Variants in RUSC2 observed in about 807,000 individuals in gnomAD.
RUSC2 encodes AP-4 complex accessory subunit RUSC2.
A neutral mutation model predicts 122.2 loss-of-function variants in RUSC2; 34 were observed. That is an observed-to-expected ratio of 0.28 (90% CI 0.21 to 0.37). The LOEUF is 0.37. Ranked by LOEUF, RUSC2 falls within the 10% of genes least tolerant of loss-of-function variation. The pLI is 1.00. For missense variants in RUSC2, 1,747 were observed against 1,952.4 expected, an observed-to-expected ratio of 0.89 and a Z score of 1.98; for synonymous variants, 784 against 790.0, an observed-to-expected ratio of 0.99 and a Z score of 0.13.
intron 1 of RUSC2, among the ~76,000 whole-genome samples, chr9:35,495,410 A>T (rs1326114937): frequency 6.7e-6 from 1 of 150,292 alleles, no homozygotes; most frequent in African/African-American, 2.4e-5. Flanking sequence ...TTCCAACACC[A>T]TTTGTTGAAA....
intron 1 of RUSC2, among the ~76,000 whole-genome samples, chr9:35,541,909 A>T (rs1021035011): frequency 6.0e-5 from 9 of 148,770 alleles, no homozygotes; most frequent in South Asian, 4.2e-4. Flanking sequence ...AAATTTTTTT[A>T]AATTATTTTT....
At chr9:35,534,828 G>T (rs950609175) in intron 1 of RUSC2, among the ~76,000 whole-genome samples, 1 of 152,058 alleles carries the variant, frequency 6.6e-6, no homozygotes, top group African/African-American at 2.4e-5. Context: ...TTACTGAGTT[G>T]TAAGTGTTTT....
chr9:35,561,882 GC>G lies in RUSC2; in HGVS notation c.*501del. The G allele has an allele frequency of 1.4e-6, 1 of 709,290 alleles. No homozygotes were observed. Among genetic ancestry groups the G allele is most frequent in the Non-Finnish European group, 2.5e-6 (1 of 403,592 alleles). The allele number at this position is 709,290 out of a possible 1,614,324, so 43.9% of individuals were successfully genotyped here. On this transcript the variant is annotated 3_prime_UTR_variant, in exon 12 of 12. Coordinates refer to ENST00000361226, the MANE Select transcript of RUSC2 (RefSeq NM_014806.5). The stretch of plus-strand genomic sequence containing the variant: ...TATTATACCTATTAATAAAAAAGGT[GC>G]TCAGCCTCCAAACCATTTTCTCTTT...
Position 35,561,603 on chromosome 9 carries a change from C to A in RUSC2, c.*221C>A. Reference sequence around the variant, plus strand: ...CACCCAGGAGAGGGATGGGACACAGCACTGGGCTGCCAGGATTCCCCTGGC... The same window carrying A: ...CACCCAGGAGAGGGATGGGACACAGAACTGGGCTGCCAGGATTCCCCTGGC... On this transcript the variant is annotated 3_prime_UTR_variant, in exon 12 of 12. Coordinates refer to ENST00000361226, the MANE Select transcript of RUSC2 (RefSeq NM_014806.5). 1.7e-6 allele frequency: 1 copy of A among 586,518 alleles called. No individual in the cohort carries two copies. The allele number at this position is 586,518 out of a possible 1,614,324, so 36.3% of individuals were successfully genotyped here.
chr9:35,561,838 A>T lies in RUSC2; in HGVS notation c.*456A>T. 1.6e-6 allele frequency: 1 copy of T among 619,278 alleles called. No individual in the cohort carries two copies. Among genetic ancestry groups the T allele is most frequent in the Non-Finnish European group, 2.8e-6 (1 of 351,650 alleles). The allele number at this position is 619,278 out of a possible 1,614,324, so 38.4% of individuals were successfully genotyped here. A position where few individuals can be genotyped will look rare whatever the true frequency, so the allele number is the denominator to read the frequency against. ...GGAGGAGGAGCCCAGGCGTCTGTTT[A>T]TGTATTTATTTATTTATTTATTATA... On this transcript the variant is annotated 3_prime_UTR_variant, in exon 12 of 12. Coordinates refer to ENST00000361226, the MANE Select transcript of RUSC2 (RefSeq NM_014806.5).
At chr9:35,520,645 A>G (rs1391684326) in intron 1 of RUSC2, among the ~76,000 whole-genome samples, 1 of 152,194 alleles carries the variant, frequency 6.6e-6, no homozygotes. Context: ...GAATAGCCAG[A>G]GGGCTGCCCA....
Position 35,503,201 on chromosome 9 carries a change from A to AC in RUSC2, c.-93+13032dup, listed in dbSNP as rs563957015. 4.1e-3 allele frequency among the ~76,000 whole-genome samples: 628 copies of AC among 152,110 alleles called. 2 individuals carry two copies. Among genetic ancestry groups the AC allele is most frequent in the Non-Finnish European group, 7.2e-3 (487 of 67,954 alleles). Reference sequence around the variant, plus strand: ...GTGGTGACTTCTGAGATTTTGGTGCACCCATCACCTGAGCAGTGTACACTA... The same window carrying AC: ...GTGGTGACTTCTGAGATTTTGGTGCACCCCATCACCTGAGCAGTGTACACTA... On this transcript the variant is annotated intron_variant, in intron 1 of 11. Transcript: ENST00000361226.
chr9:35,537,617 T>C (rs939717223), intron 1 of RUSC2, among the ~76,000 whole-genome samples: 1 of 152,212 alleles, frequency 6.6e-6, no homozygotes, highest in African/African-American at 2.4e-5. Context: ...AGTGGACACA[T>C]GGGTGTCACA....
chr9:35,547,286 A>T lies in RUSC2; in HGVS notation c.765A>T (p.Thr255=). The part of the protein sequence containing the change: ...SGDQHCRCSS[T]SSQSEAADQS... ...ACCAGCACTGCCGCTGCAGTAGCAC[A>T]TCCAGTCAGTCCGAGGCAGCTGACC... Residue 255 remains threonine, a synonymous_variant, in exon 2 of 12, where the codon ACA becomes ACT. Coordinates refer to ENST00000361226, the MANE Select transcript of RUSC2 (RefSeq NM_014806.5). This position sits in a 1 kb window ranked among gnomAD's most constrained non-coding sequence, Gnocchi z 4.6. 6.2e-7 allele frequency: 1 copy of T among 1,614,166 alleles called. No homozygotes were observed. The highest frequency in any genetic ancestry group is 8.5e-7 in the Non-Finnish European group (1 of 1,180,016).
intron 1 of RUSC2, among the ~76,000 whole-genome samples, chr9:35,531,931 C>T (rs1316933523): frequency 1.3e-5 from 2 of 152,132 alleles, no homozygotes; most frequent in Non-Finnish European, 2.9e-5. Context: ...GAGACTGAGG[C>T]AGGAGAATGG....
chr9:35,518,248 G>A (rs538638077), intron 1 of RUSC2, among the ~76,000 whole-genome samples: 132 of 152,318 alleles, frequency 8.7e-4, no homozygotes, highest in African/African-American at 2.0e-3. Context: ...GTATTAACAT[G>A]TCGTGTCACT....
rs187935809 is a variant in RUSC2 at position 35,503,147 on chromosome 9, C to T, written c.-93+12975C>T. On this transcript the variant is annotated intron_variant, in intron 1 of 11. Coordinates refer to ENST00000361226, the MANE Select transcript of RUSC2 (RefSeq NM_014806.5). ...AAAGTGCAGGGATTACAGGCGTGAG[C>T]CACCGCACCCAGCCAGATAAGTTCT... Among the ~76,000 whole-genome samples the T allele has an allele frequency of 5.3e-5, 8 of 152,306 alleles. No individual in the cohort carries two copies. The East Asian group carries it at 1.3e-3, about 26-fold the overall frequency.
chr9:35,538,116 C>A (rs901973443), intron 1 of RUSC2, among the ~76,000 whole-genome samples: 12 of 152,144 alleles, frequency 7.9e-5, no homozygotes, highest in African/African-American at 2.4e-4. Flanking sequence ...CTCAGCCTGG[C>A]TAGAGGGATT....
At chr9:35,520,162 G>C (rs1821185353) in intron 1 of RUSC2, among the ~76,000 whole-genome samples, 1 of 152,206 alleles carries the variant, frequency 6.6e-6, no homozygotes, top group African/African-American at 2.4e-5. Context: ...TGCTCTTACT[G>C]TCCATGGTGA....
Position 35,546,163 on chromosome 9 carries a change from T to C in RUSC2, c.-92-267T>C, listed in dbSNP as rs1400650747. On this transcript the variant is annotated intron_variant, in intron 1 of 11. Transcript: ENST00000361226. The surrounding 1 kb of genome is among the most constrained non-coding windows in gnomAD (Gnocchi z 4.3). ...GGAAAGTACTGCCCAAACCTTCATA[T>C]GTGGCATTAGAAGGACTTGGCCTTT... Among the ~76,000 whole-genome samples, 1 of 152,186 alleles carries C rather than the reference T, an allele frequency of 6.6e-6. No individual in the cohort carries two copies. The highest frequency in any genetic ancestry group is 2.4e-5 in the African/African-American group (1 of 41,448).
chr9:35,531,251 ACT>A (rs954718319), intron 1 of RUSC2, among the ~76,000 whole-genome samples: 3 of 151,244 alleles, frequency 2.0e-5, no homozygotes, highest in Non-Finnish European at 4.4e-5. Context: ...ACAGAGCAAG[ACT>A]CTCTCTCAAA....
rs536323489 is a variant in RUSC2 at position 35,532,824 on chromosome 9, A to G, written c.-92-13606A>G. Among the ~76,000 whole-genome samples the G allele has an allele frequency of 6.6e-5, 10 of 152,154 alleles. No homozygotes were observed. The East Asian group carries it at 1.5e-3, about 23-fold the overall frequency. On this transcript the variant is annotated intron_variant, in intron 1 of 11. Transcript: ENST00000361226. ...CTGCTGATAGTGTTGGATGATTCCA[A>G]TATTATAAGTTAAAAATGATAACTG...
In RUSC2 at chr9:35,558,427, T is replaced by G. The variant is rs752943838; in HGVS notation, c.3236-35T>G. 6.2e-7 allele frequency: 1 copy of G among 1,613,810 alleles called. No individual in the cohort carries two copies. Among genetic ancestry groups the G allele is most frequent in the Non-Finnish European group, 8.5e-7 (1 of 1,179,846 alleles). ...GGGCTGAATTTAGGGCTCCAGAAAT[T>G]GGTCATGTGACCTGCAACCCTGGCT... On this transcript the variant is annotated intron_variant, in intron 7 of 11. Transcript: ENST00000361226. This position sits in a 1 kb window ranked among gnomAD's most constrained non-coding sequence, Gnocchi z 4.3.
chr9:35,518,592 T>C (rs957415132), intron 1 of RUSC2, among the ~76,000 whole-genome samples: 1 of 152,152 alleles, frequency 6.6e-6, no homozygotes, highest in African/African-American at 2.4e-5. Flanking sequence ...AGTCTCTAGG[T>C]CTTGCAGGGA....
Sources: gnomAD v4.1 joint callset for allele counts (sites outside exome capture counted in the v4.1 genomes callset) on GRCh38, gnomAD v4.1.1 for gene constraint, Gnocchi (gnomAD v3.1) non-coding constraint, MANE v1.5 for transcripts, NCBI Gene and HGNC (gene_info 2026-07-23, HGNC 2026-07-21) for gene names.